SCML4: variants seen among roughly 807,000 people sequenced by gnomAD.
SCML4 encodes sex comb on midleg-like protein 4.
A neutral mutation model predicts 41.1 loss-of-function variants in SCML4; 34 were observed. The observed-to-expected ratio is 0.83, with a 90% CI of 0.63 to 1.10. The LOEUF (loss-of-function observed/expected upper bound fraction) is 1.10. Among genes scored for constraint, SCML4 ranks in the 50% least tolerant of loss-of-function variants. SCML4 has a pLI of 0.00. For missense variants in SCML4, 522 were observed against 534.1 expected, an observed-to-expected ratio of 0.98 and a Z score of 0.22; for synonymous variants, 214 against 220.9, an observed-to-expected ratio of 0.97 and a Z score of 0.28.
intron 2 of SCML4, among the ~76,000 whole-genome samples, chr6:107,758,711 C>T (rs537259915): frequency 8.5e-5 from 13 of 152,124 alleles, no homozygotes; most frequent in African/African-American, 2.7e-4. Flanking sequence ...AAGAAACAGC[C>T]GGCAACCACC....
chr6:107,843,716 G>A, the SCML4 span, among the ~76,000 whole-genome samples: 5 of 152,142 alleles, frequency 3.3e-5, no homozygotes, highest in African/African-American at 4.8e-5. Context: ...TCAACTTTGC[G>A]GGAGAAGGAG....
At chr6:107,802,784 CT>C (rs1247544813) in intron 1 of SCML4, among the ~76,000 whole-genome samples, 6 of 149,962 alleles carry the variant, frequency 4.0e-5, no homozygotes, top group Admixed American at 1.3e-4. Context: ...CGGTCTCCCC[CT>C]GATGCCGAGC....
Position 107,772,178 on chromosome 6 carries a change from C to G in SCML4, c.150G>C (p.Gly50=). 6.5e-7 allele frequency: 1 copy of G among 1,549,800 alleles called. No homozygotes were observed. The highest frequency in any genetic ancestry group is 8.7e-7 in the Non-Finnish European group (1 of 1,146,138). Residue 50 remains glycine, a synonymous_variant, in exon 2 of 8, where the codon GGG becomes GGC. Coordinates refer to ENST00000369020, the MANE Select transcript of SCML4 (RefSeq NM_198081.5). ...KIPKKRGRKP[G]YKIKSRVLMT... ...GGAGATGATGGAGCCGTACCTTGTA[C>G]CCGGGTTTCCGCCCTCTTTTCTTTG... is the stretch of plus-strand genomic sequence containing the variant.
chr6:107,715,571 AG>A (rs1349178844), intron 6 of SCML4, among the ~76,000 whole-genome samples: 1 of 152,164 alleles, frequency 6.6e-6, no homozygotes, highest in African/African-American at 2.4e-5. Context: ...ACCTCTTTAT[AG>A]CTCTTGGTGA....
chr6:107,730,055 A>G (rs1041153754), intron 5 of SCML4, among the ~76,000 whole-genome samples: 1 of 152,194 alleles, frequency 6.6e-6, no homozygotes, highest in African/African-American at 2.4e-5. Flanking sequence ...GGTCACCTCA[A>G]CATCCAACAT....
intron 1 of SCML4, among the ~76,000 whole-genome samples, chr6:107,802,896 G>A (rs1783324168): frequency 6.6e-6 from 1 of 151,900 alleles, no homozygotes; most frequent in South Asian, 2.1e-4. Flanking sequence ...GTCGCGCGCC[G>A]CCACGCCTGA....
chr6:107,716,613 G>A (rs987712648), intron 6 of SCML4, among the ~76,000 whole-genome samples: 1 of 152,020 alleles, frequency 6.6e-6, no homozygotes, highest in Admixed American at 6.6e-5. Context: ...CCTTTCTCTA[G>A]GATAGAGTAA....
intron 5 of SCML4, among the ~76,000 whole-genome samples, chr6:107,735,109 C>G (rs1776927206): frequency 6.6e-6 from 1 of 152,202 alleles, no homozygotes. Context: ...CTCCTGGCCT[C>G]AAGCAGTCCA....
intron 1 of SCML4, among the ~76,000 whole-genome samples, chr6:107,820,528 G>T (rs1448805551): frequency 1.3e-5 from 2 of 152,214 alleles, no homozygotes; most frequent in African/African-American, 2.4e-5. Flanking sequence ...GCCTCTGTAA[G>T]CATGTCCAAA....
At chr6:107,707,518 G>C (rs1345467941) in intron 7 of SCML4, among the ~76,000 whole-genome samples, 2 of 152,208 alleles carry the variant, frequency 1.3e-5, no homozygotes, top group African/African-American at 4.8e-5. Context: ...TTTAGGAACA[G>C]GTGCTACTGC....
chr6:107,770,179 G>GTTGCCAACTTTATT (rs1780407949), intron 2 of SCML4, among the ~76,000 whole-genome samples: 1 of 152,068 alleles, frequency 6.6e-6, no homozygotes, highest in South Asian at 2.1e-4. Flanking sequence ...AGATTAATAG[G>GTTGCCAACTTTATT]TTGCCAACTT....
chr6:107,764,169 G>T (rs1179592242), intron 2 of SCML4, among the ~76,000 whole-genome samples: 1 of 152,200 alleles, frequency 6.6e-6, no homozygotes, highest in Non-Finnish European at 1.5e-5. Context: ...TGTGGCCAGT[G>T]ATCTAATTCC....
intron 1 of SCML4, among the ~76,000 whole-genome samples, chr6:107,807,174 A>G (rs1411863007): frequency 6.6e-6 from 1 of 152,010 alleles, no homozygotes; most frequent in Non-Finnish European, 1.5e-5. Flanking sequence ...AGATGATGAA[A>G]AGGTAGCAAG....
chr6:107,755,771 ACTC>A, intron 2 of SCML4: 1 of 359,036 alleles, frequency 2.8e-6, no homozygotes, highest in South Asian at 3.3e-5. Context: ...AGGAAAAAAA[ACTC>A]CTTGCAGACA....
At chr6:107,759,340 C>CATACATACATACATAT (rs1779384374) in intron 2 of SCML4, among the ~76,000 whole-genome samples, 1 of 150,638 alleles carries the variant, frequency 6.6e-6, no homozygotes, top group Non-Finnish European at 1.5e-5. Context: ...AAAATACATA[C>CATACATACATACATAT]ATACATACAT....
the SCML4 span, among the ~76,000 whole-genome samples, chr6:107,839,301 G>T: frequency 8.0e-6 from 1 of 124,880 alleles, no homozygotes; most frequent in Non-Finnish European, 1.7e-5. Context: ...CAAAAGAAAA[G>T]AAAAGAGAGA....
intron 6 of SCML4, among the ~76,000 whole-genome samples, chr6:107,711,400 G>T (rs962049902): frequency 1.5e-4 from 23 of 152,176 alleles, no homozygotes; most frequent in Non-Finnish European, 2.6e-4. Flanking sequence ...AGTGATTTGT[G>T]TTGCAATTTT....
chr6:107,708,870 G>A (rs1358429296), intron 6 of SCML4, among the ~76,000 whole-genome samples: 1 of 152,174 alleles, frequency 6.6e-6, no homozygotes, highest in African/African-American at 2.4e-5. Context: ...GATTTTTTGT[G>A]TGTGTATGTC....
intron 1 of SCML4, among the ~76,000 whole-genome samples, chr6:107,808,725 A>G (rs981130943): frequency 2.6e-5 from 4 of 152,204 alleles, no homozygotes; most frequent in Admixed American, 2.0e-4. Context: ...TTTCATTTCT[A>G]TTTTTGCATA....
Sources: allele counts gnomAD v4.1 joint callset (sites outside exome capture counted in the v4.1 genomes callset), GRCh38; gene constraint gnomAD v4.1.1; transcripts MANE v1.5; gene names NCBI Gene and HGNC (gene_info 2026-07-23, HGNC 2026-07-21).